LDLRAD4: variants seen among roughly 807,000 people sequenced by gnomAD.
LDLRAD4 encodes low density lipoprotein receptor class A domain containing 4.
Under a neutral mutation model 17.0 loss-of-function variants are expected in LDLRAD4, and 5 were observed. The ratio of observed to expected loss-of-function variants is 0.29; its 90% confidence interval spans 0.15 to 0.62. The LOEUF is 0.62. LDLRAD4 is among the 20% of genes least tolerant of loss of function. The probability of loss-of-function intolerance (pLI) is 0.84; values close to 1 mark genes in which losing one functional copy is unlikely to be tolerated. For synonymous variants in LDLRAD4, 168 were observed against 171.8 expected, an observed-to-expected ratio of 0.98 and a Z score of 0.17; for missense variants, 340 against 424.7, an observed-to-expected ratio of 0.80 and a Z score of 1.75.
intron 1 of LDLRAD4, among the ~76,000 whole-genome samples, chr18:13,364,586 C>T (rs550731888): frequency 2.4e-4 from 37 of 152,296 alleles, no homozygotes; most frequent in African/African-American, 8.7e-4. Context: ...AAGTGATCCT[C>T]CCACTTCAGC....
At position 13,344,240 on chromosome 18, in the gene LDLRAD4, A is replaced by G. The variant is rs187481978; in HGVS notation, c.-382-43101A>G. Among the ~76,000 whole-genome samples, 24 of 152,304 alleles carry G rather than the reference A, an allele frequency of 1.6e-4. No homozygotes were observed. The East Asian group carries it at 4.6e-3, about 29-fold the overall frequency. ...GGTCTAACATTTAAGTGTTTATTCC[A>G]TCTTGAATTAATTTTTGTATAAGGT... On this transcript the variant is annotated intron_variant, in intron 1 of 5. Coordinates refer to ENST00000359446, the Ensembl canonical transcript of LDLRAD4.
In LDLRAD4 at chr18:13,285,418, CAG is replaced by C. The variant is rs572903680; in HGVS notation, c.-383+7231_-383+7232del. Among the ~76,000 whole-genome samples the C allele has an allele frequency of 6.9e-3, 1,056 of 152,290 alleles. 18 individuals are homozygous for C. Among genetic ancestry groups the C allele is most frequent in the African/African-American group, 0.025 (1,019 of 41,548 alleles). On this transcript the variant is annotated intron_variant, in intron 1 of 5. Coordinates refer to ENST00000359446, the Ensembl canonical transcript of LDLRAD4. Reference sequence around the variant, plus strand: ...CATGGACAGGCTTGCCGAGGACAGTCAGGGGACAGGATTCTGTTGTCAATTGT... The same window carrying C: ...CATGGACAGGCTTGCCGAGGACAGTCGGGACAGGATTCTGTTGTCAATTGT...
chr18:13,247,715 T>C (rs977330626), intron 1 of LDLRAD4, among the ~76,000 whole-genome samples: 5 of 152,092 alleles, frequency 3.3e-5, no homozygotes, highest in African/African-American at 1.2e-4. Flanking sequence ...GGTGTGCTTG[T>C]CTTGCATCTC....
chr18:13,644,482 C>A (rs2042890798), intron 5 of LDLRAD4, among the ~76,000 whole-genome samples: 1 of 148,758 alleles, frequency 6.7e-6, no homozygotes, highest in Admixed American at 6.7e-5. Flanking sequence ...GTGGGAGAAT[C>A]ACTTGAGCCC....
At chr18:13,495,922 C>T (rs1231696879) in intron 3 of LDLRAD4, among the ~76,000 whole-genome samples, 1 of 152,208 alleles carries the variant, frequency 6.6e-6, no homozygotes, top group African/African-American at 2.4e-5. Flanking sequence ...CTGCCGGGCC[C>T]TTGTGGAGTT....
chr18:13,339,336 G>T (rs753639188), intron 1 of LDLRAD4, among the ~76,000 whole-genome samples: 4 of 151,842 alleles, frequency 2.6e-5, no homozygotes, highest in African/African-American at 4.8e-5. Context: ...TCAGCCTCCC[G>T]AGTAGCTGGG....
At chr18:13,529,656 T>G (rs2094096578) in intron 3 of LDLRAD4, among the ~76,000 whole-genome samples, 1 of 152,170 alleles carries the variant, frequency 6.6e-6, no homozygotes, top group Admixed American at 6.5e-5. Context: ...TGCTAACCCC[T>G]CCAGTGTGAA....
At chr18:13,650,444 A>G (rs1266507172) in exon 6 of LDLRAD4, 8 of 398,164 alleles carry the variant, frequency 2.0e-5, no homozygotes, top group Non-Finnish European at 3.5e-5. Context: ...TGCACATTAT[A>G]TATATGTAGA....
intron 1 of LDLRAD4, among the ~76,000 whole-genome samples, chr18:13,366,760 CCA>C (rs1464672875): frequency 6.6e-6 from 1 of 152,154 alleles, no homozygotes; most frequent in Non-Finnish European, 1.5e-5. Flanking sequence ...TCTTCAGCAC[CCA>C]CCACGGGCCA....
chr18:13,554,554 C>T (rs1332713403), intron 3 of LDLRAD4, among the ~76,000 whole-genome samples: 3 of 151,974 alleles, frequency 2.0e-5, no homozygotes, highest in African/African-American at 7.3e-5. Context: ...CCTGGCTCTC[C>T]GTATGAATAC....
chr18:13,365,287 G>A (rs776690049), intron 1 of LDLRAD4, among the ~76,000 whole-genome samples: 5 of 152,268 alleles, frequency 3.3e-5, no homozygotes, highest in African/African-American at 4.8e-5. Flanking sequence ...AGAAAGCTCC[G>A]TTAACTAAGT....
chr18:13,627,022 C>T (rs2041230039), intron 4 of LDLRAD4, among the ~76,000 whole-genome samples: 1 of 152,226 alleles, frequency 6.6e-6, no homozygotes, highest in South Asian at 2.1e-4. Context: ...ATAATCTCAG[C>T]ACTTTGGGAG....
At chr18:13,341,285 A>G (rs1262970234) in intron 1 of LDLRAD4, among the ~76,000 whole-genome samples, 1 of 151,966 alleles carries the variant, frequency 6.6e-6, no homozygotes, top group Admixed American at 6.6e-5. Context: ...TGGAATTTTG[A>G]TAGGAATTAC....
At chr18:13,647,383 A>G (rs1370001235) in exon 6 of LDLRAD4, 2 of 152,156 alleles carry the variant, frequency 1.3e-5, no homozygotes, top group African/African-American at 2.4e-5. Context: ...ACACTCTGCC[A>G]TGTGGAGGGT....
At chr18:13,619,544 T>C (rs2040417148) in intron 3 of LDLRAD4, among the ~76,000 whole-genome samples, 1 of 146,136 alleles carries the variant, frequency 6.8e-6, no homozygotes, top group Non-Finnish European at 1.5e-5. Flanking sequence ...CACATATAAG[T>C]GTGGCAGCTC....
chr18:13,388,887 T>A (rs1286378152), intron 2 of LDLRAD4, among the ~76,000 whole-genome samples: 1 of 152,190 alleles, frequency 6.6e-6, no homozygotes, highest in Non-Finnish European at 1.5e-5. Flanking sequence ...TGACATGGGG[T>A]CTCAGTGACA....
intron 3 of LDLRAD4, among the ~76,000 whole-genome samples, chr18:13,444,139 C>T (rs1353903648): frequency 6.6e-6 from 1 of 152,166 alleles, no homozygotes; most frequent in Non-Finnish European, 1.5e-5. Flanking sequence ...ATGGGGGTTC[C>T]CTGTCACTCT....
At chr18:13,611,812 G>C in intron 3 of LDLRAD4, 2 of 985,764 alleles carry the variant, frequency 2.0e-6, no homozygotes, top group Non-Finnish European at 2.4e-6. Flanking sequence ...GGAGCGCGCA[G>C]TGTTTCCTGC....
intron 3 of LDLRAD4, among the ~76,000 whole-genome samples, chr18:13,604,512 A>G (rs1360101773): frequency 7.2e-5 from 11 of 152,156 alleles, no homozygotes; most frequent in Non-Finnish European, 1.5e-4. Flanking sequence ...GGCAGTTACA[A>G]TTTTTATGGG....
Sources: gnomAD v4.1 joint callset for allele counts (sites outside exome capture counted in the v4.1 genomes callset) on GRCh38, gnomAD v4.1.1 for gene constraint, MANE v1.5 for transcripts, NCBI Gene and HGNC (gene_info 2026-07-23, HGNC 2026-07-21) for gene names.